The following VN1R2 variants were observed in gnomAD, a reference collection of about 807,000 sequenced individuals.
VN1R2 encodes the protein vomeronasal 1 receptor 2.
For synonymous variants in VN1R2, 160 were observed against 173.1 expected, an observed-to-expected ratio of 0.92 and a Z score of 0.59; for missense variants, 418 against 452.4, an observed-to-expected ratio of 0.92 and a Z score of 0.69.
At position 53,258,380 on chromosome 19, in the gene VN1R2, C is replaced by G. The variant is rs761713155; in HGVS notation, c.5C>G (p.Thr2Ser). 6 of 697,636 alleles carry G rather than the reference C, an allele frequency of 8.6e-6. No individual in the cohort carries two copies. The highest frequency in any genetic ancestry group is 1.6e-5 in the Non-Finnish European group (6 of 378,508). 43.2% of individuals were successfully genotyped at this position (697,636 alleles called of 1,614,324 possible). ...TGACCTTACCTATCATTGGAGATGA[C>G]TCACACTCTTTACCCTACCCCTTTT... is the stretch of plus-strand genomic sequence containing the variant. M[T>S]HTLYPTPFAL... Residue 2 changes from threonine (T) to serine (S), a missense_variant, in exon 1 of 1, where the codon ACT becomes AGT. Thr to Ser is a moderately conservative substitution (Grantham distance 58, BLOSUM62 1). Coordinates refer to ENST00000341702, the MANE Select transcript of VN1R2 (RefSeq NM_173856.2).
chr19:53,258,792 C>G lies in VN1R2; in HGVS notation c.417C>G (p.Ile139Met). The change falls in exon 1 of 1, where the codon ATC becomes ATG. Residue 139 changes from isoleucine (I) to methionine (M), a missense_variant. Ile to Met is a conservative substitution (Grantham distance 10). Transcript: ENST00000341702. Reference sequence around the variant, plus strand: ...TGACTGTAGCTGACTCCTTGGTTATCCTATCTAAAAGAATCCCAGAGACCA... The same window carrying G: ...TGACTGTAGCTGACTCCTTGGTTATGCTATCTAAAAGAATCCCAGAGACCA... ...RHLTVADSLV[I>M]LSKRIPETMA... The G allele has an allele frequency of 6.2e-7, 1 of 1,614,168 alleles. No homozygotes were observed. Among genetic ancestry groups the G allele is most frequent in the African/African-American group, 1.3e-5 (1 of 75,044 alleles).
Position 53,259,569 on chromosome 19 carries a change from C to T in VN1R2, c.*6C>T. The T allele has an allele frequency of 6.2e-7, 1 of 1,604,240 alleles. No homozygotes were observed. ...ATGATTTCAGGAAAATGTGAATTGG[C>T]TGTCTTGGTTTATGTTCGGCCACTG... On this transcript the variant is annotated 3_prime_UTR_variant, in exon 1 of 1. Transcript: ENST00000341702.
rs531041751 is a variant in VN1R2, at chr19:53,259,316, T to C, written c.941T>C (p.Ile314Thr). The change falls in exon 1 of 1, where the codon ATC becomes ACC. Residue 314 changes from isoleucine (I) to threonine (T), a missense_variant. Physicochemically the swap from Ile to Thr is moderately conservative, Grantham distance 89 (BLOSUM62 -1). Transcript: ENST00000341702. ...YPNSSPGNRA[I>T]QSILALVSTF... ...AACTCTTCTCCTGGGAACAGAGCCA[T>C]CCAAAGCATCCTTGCATTGGTGAGC... 2.5e-6 allele frequency: 4 copies of C among 1,614,190 alleles called. No homozygotes were observed. The South Asian group carries it at 4.4e-5, about 18-fold the overall frequency.
Position 53,259,535 on chromosome 19 carries a change from G to A in VN1R2, c.1160G>A (p.Arg387Gln), listed in dbSNP as rs199981144. 31 of 1,610,416 alleles carry A rather than the reference G, an allele frequency of 1.9e-5. No individual in the cohort carries two copies. The highest frequency in any genetic ancestry group is 2.5e-5 in the Non-Finnish European group (30 of 1,178,184). Reference protein sequence around the residue: ...LCSICCRRNRRFFHDFRKM With the variant: ...LCSICCRRNRQFFHDFRKM ...AGTATCTGCTGCAGAAGAAATAGAC[G>A]ATTCTTTCATGATTTCAGGAAAATG... is the stretch of plus-strand genomic sequence containing the variant. The change falls in exon 1 of 1, where the codon CGA becomes CAA. Residue 387 changes from arginine to glutamine, a missense_variant. Physicochemically the swap from Arg to Gln is conservative, Grantham distance 43 (BLOSUM62 1). Transcript: ENST00000341702.
Position 53,259,269 on chromosome 19 carries a change from C to T in VN1R2, c.894C>T (p.Ile298=), listed in dbSNP as rs143089101. Residue 298 remains isoleucine, a synonymous_variant, in exon 1 of 1, where the codon ATC becomes ATT. Transcript: ENST00000341702. ...LYRHKQQVQH[I]CRNNLYPNSS... ...GGCACAAACAGCAGGTACAACACAT[C>T]TGTAGGAACAATCTCTACCCCAACT... 6 of 1,614,194 alleles carry T rather than the reference C, an allele frequency of 3.7e-6. No homozygotes were observed. In the African/African-American group the frequency reaches 8.0e-5, roughly 22 times the overall value.
Position 53,259,017 on chromosome 19 carries a change from C to T in VN1R2, c.642C>T (p.Ile214=). The T allele has an allele frequency of 6.2e-7, 1 of 1,614,172 alleles. No homozygotes were observed. Among genetic ancestry groups the T allele is most frequent in the Non-Finnish European group, 8.5e-7 (1 of 1,180,042 alleles). The part of the protein sequence containing the change: ...KAPTYIGLSN[I]LCWAFHMLVN... The stretch of plus-strand genomic sequence containing the variant: ...CGACATACATTGGTCTCTCCAATAT[C>T]CTGTGCTGGGCCTTCCACATGCTGG... The change falls in exon 1 of 1, where the codon ATC becomes ATT. Residue 214 remains isoleucine, a synonymous_variant. Coordinates refer to ENST00000341702, the MANE Select transcript of VN1R2 (RefSeq NM_173856.2).
rs1001102139 is a variant in VN1R2, at chr19:53,258,397, A to G, written c.22A>G (p.Thr8Ala). 4 of 716,916 alleles carry G rather than the reference A, an allele frequency of 5.6e-6. No homozygotes were observed. Among genetic ancestry groups the G allele is most frequent in the African/African-American group, 1.8e-5 (1 of 56,894 alleles). The allele number at this position is 716,916 out of a possible 1,614,324, so 44.4% of individuals were successfully genotyped here. MTHTLYP[T>A]PFALYPINIS... ...GGAGATGACTCACACTCTTTACCCT[A>G]CCCCTTTTGCTTTGTATCCAATAAA... The change falls in exon 1 of 1, where the codon ACC becomes GCC. Residue 8 changes from threonine to alanine, a missense_variant. Physicochemically the swap from Thr to Ala is moderately conservative, Grantham distance 58. Coordinates refer to ENST00000341702, the MANE Select transcript of VN1R2 (RefSeq NM_173856.2).
In VN1R2 at chr19:53,258,367, T is replaced by C. The variant is rs1487946543; in HGVS notation, c.-9T>C. 4.4e-6 allele frequency: 3 copies of C among 679,840 alleles called. No homozygotes were observed. Among genetic ancestry groups the C allele is most frequent in the East Asian group, 5.4e-5 (2 of 37,014 alleles). 42.1% of individuals were successfully genotyped at this position (679,840 alleles called of 1,614,324 possible). On this transcript the variant is annotated 5_prime_UTR_variant, in exon 1 of 1. Coordinates refer to ENST00000341702, the MANE Select transcript of VN1R2 (RefSeq NM_173856.2). ...CACGTGACCCACGTGACCTTACCTA[T>C]CATTGGAGATGACTCACACTCTTTA...
Position 53,259,214 on chromosome 19 carries a change from C to G in VN1R2, c.839C>G (p.Ala280Gly). The change falls in exon 1 of 1, where the codon GCC (alanine) becomes GGC (glycine). Residue 280 changes from alanine to glycine, a missense_variant. By Grantham distance (60) the Ala-to-Gly change is moderately conservative. Coordinates refer to ENST00000341702, the MANE Select transcript of VN1R2 (RefSeq NM_173856.2). ...DVLCLGLMLW[A>G]SSSIVLVLYR... ...TTGTGTCTGGGGCTCATGCTCTGGG[C>G]CAGCAGCTCCATCGTTTTGGTCTTG... 1.9e-6 allele frequency: 3 copies of G among 1,614,132 alleles called. No individual in the cohort carries two copies. The highest frequency in any genetic ancestry group is 2.5e-6 in the Non-Finnish European group (3 of 1,180,014).
Position 53,258,558 on chromosome 19 carries a change from T to G in VN1R2, c.183T>G (p.Ser61=). Residue 61 remains serine, a synonymous_variant, in exon 1 of 1, where the codon TCT becomes TCG. Coordinates refer to ENST00000341702, the MANE Select transcript of VN1R2 (RefSeq NM_173856.2). ...TAGTGGTCCCCCAGACACAGCTGTC[T>G]TTTCTTTCATCTCTTTGTCTTGTGT... The part of the protein sequence containing the change: ...LVVVVPQTQL[S]FLSSLCLVSL... The G allele has an allele frequency of 1.3e-6, 2 of 1,551,406 alleles. 1 individual carries two copies. Among genetic ancestry groups the G allele is most frequent in the African/African-American group, 2.7e-5 (2 of 72,868 alleles).
chr19:53,259,511 G>A lies in VN1R2; in HGVS notation c.1136G>A (p.Ser379Asn). 6.2e-7 allele frequency: 1 copy of A among 1,613,874 alleles called. No homozygotes were observed. Among genetic ancestry groups the A allele is most frequent in the South Asian group, 1.1e-5 (1 of 90,978 alleles). The change falls in exon 1 of 1, where the codon AGT (serine) becomes AAT (asparagine). Residue 379 changes from serine (S) to asparagine (N), a missense_variant. Ser to Asn is a conservative substitution (Grantham distance 46). Coordinates refer to ENST00000341702, the MANE Select transcript of VN1R2 (RefSeq NM_173856.2). ...CRDPSRSRLC[S>N]ICCRRNRRFF... ...GACCCCAGCAGATCCAGGCTCTGCA[G>A]TATCTGCTGCAGAAGAAATAGACGA... is the stretch of plus-strand genomic sequence containing the variant.
chr19:53,258,489 C>A (rs1318134666), upstream of VN1R2: 4 of 1,129,642 alleles, frequency 3.5e-6, no homozygotes, highest in Admixed American at 2.0e-5. Context: ...AATATCAGTG[C>A]AGCCTGGCAT....
chr19:53,259,581 A>G lies in VN1R2; in HGVS notation c.*18A>G. 1 of 1,594,382 alleles carries G rather than the reference A, an allele frequency of 6.3e-7. No homozygotes were observed. The highest frequency in any genetic ancestry group is 8.5e-7 in the Non-Finnish European group (1 of 1,169,982). On this transcript the variant is annotated 3_prime_UTR_variant, in exon 1 of 1. Coordinates refer to ENST00000341702, the MANE Select transcript of VN1R2 (RefSeq NM_173856.2). Reference sequence around the variant, plus strand: ...AAATGTGAATTGGCTGTCTTGGTTTATGTTCGGCCACTGATGCACTCAGAC... The same window carrying G: ...AAATGTGAATTGGCTGTCTTGGTTTGTGTTCGGCCACTGATGCACTCAGAC...
In VN1R2 at chr19:53,258,708, T is replaced by C. The variant is rs760186272; in HGVS notation, c.333T>C (p.Tyr111=). The change falls in exon 1 of 1, where the codon TAT becomes TAC. Residue 111 remains tyrosine, a synonymous_variant. Coordinates refer to ENST00000341702, the MANE Select transcript of VN1R2 (RefSeq NM_173856.2). The part of the protein sequence containing the change: ...ILGNFSLLYY[Y]MFLYFRGYKP... The stretch of plus-strand genomic sequence containing the variant: ...GGAATTTTTCACTCTTATATTATTA[T>C]ATGTTCCTTTACTTTAGGGGATACA... 1.2e-5 allele frequency: 20 copies of C among 1,614,014 alleles called. No individual in the cohort carries two copies. Among genetic ancestry groups the C allele is most frequent in the Admixed American group, 1.7e-5 (1 of 59,988 alleles).
In VN1R2 at chr19:53,259,445, C is replaced by T. The variant is rs752034615; in HGVS notation, c.1070C>T (p.Ala357Val). 1.2e-6 allele frequency: 2 copies of T among 1,614,206 alleles called. No individual in the cohort carries two copies. Among genetic ancestry groups the T allele is most frequent in the East Asian group, 2.2e-5 (1 of 44,882 alleles). Residue 357 changes from alanine (A) to valine (V), a missense_variant, in exon 1 of 1, where the codon GCC becomes GTC. Physicochemically the swap from Ala to Val is moderately conservative, Grantham distance 64. Transcript: ENST00000341702. Reference sequence around the variant, plus strand: ...GTGAACACTGCTGCACTAATCATTGCCTGTTTTCCAACTATTAGCCCTTTT... The same window carrying T: ...GTGAACACTGCTGCACTAATCATTGTCTGTTTTCCAACTATTAGCCCTTTT... ...WLVNTAALII[A>V]CFPTISPFVL...
rs757698195 is a variant in VN1R2, at chr19:53,258,464, G to T, written c.89G>T (p.Cys30Phe). 54 of 956,006 alleles carry T rather than the reference G, an allele frequency of 5.6e-5. 1 individual carries two copies. The South Asian group carries it at 7.4e-4, about 13-fold the overall frequency. 59.2% of individuals were successfully genotyped at this position (956,006 alleles called of 1,614,324 possible). A position where few individuals can be genotyped will look rare whatever the true frequency, so the allele number is the denominator to read the frequency against. Residue 30 changes from cysteine to phenylalanine, a missense_variant, in exon 1 of 1, where the codon TGC becomes TTC. Transcript: ENST00000341702. ...CATTTGGGGCCACTACCAGTCTCCT[G>T]CTTTGTATCCAATAAATATCAGTGC... Reference protein sequence around the residue: ...AWHLGPLPVSCFVSNKYQCSL... With the variant: ...AWHLGPLPVSFFVSNKYQCSL...
rs764496794 is a variant in VN1R2 at position 53,259,442 on chromosome 19, T to C, written c.1067T>C (p.Ile356Thr). The part of the protein sequence containing the change: ...WWLVNTAALI[I>T]ACFPTISPFV... ...CTAGTGAACACTGCTGCACTAATCA[T>C]TGCCTGTTTTCCAACTATTAGCCCT... The change falls in exon 1 of 1, where the codon ATT becomes ACT. Residue 356 changes from isoleucine to threonine, a missense_variant. Physicochemically the swap from Ile to Thr is moderately conservative, Grantham distance 89. Coordinates refer to ENST00000341702, the MANE Select transcript of VN1R2 (RefSeq NM_173856.2). The C allele has an allele frequency of 1.2e-6, 2 of 1,614,224 alleles. No homozygotes were observed. Among genetic ancestry groups the C allele is most frequent in the East Asian group, 2.2e-5 (1 of 44,880 alleles).
chr19:53,258,580 G>A lies in VN1R2; in HGVS notation c.205G>A (p.Val69Met). 6.4e-7 allele frequency: 1 copy of A among 1,561,482 alleles called. No individual in the cohort carries two copies. Among genetic ancestry groups the A allele is most frequent in the Admixed American group, 1.9e-5 (1 of 51,760 alleles). Residue 69 changes from valine to methionine, a missense_variant, in exon 1 of 1, where the codon GTG (valine) becomes ATG (methionine). By Grantham distance (21) the Val-to-Met change is conservative. Coordinates refer to ENST00000341702, the MANE Select transcript of VN1R2 (RefSeq NM_173856.2). Reference sequence around the variant, plus strand: ...GTCTTTTCTTTCATCTCTTTGTCTTGTGTCTTTATTTCTACACTCTCTTGT... The same window carrying A: ...GTCTTTTCTTTCATCTCTTTGTCTTATGTCTTTATTTCTACACTCTCTTGT... Reference protein sequence around the residue: ...QLSFLSSLCLVSLFLHSLVSA... With the variant: ...QLSFLSSLCLMSLFLHSLVSA...
In VN1R2 at chr19:53,259,038, G is replaced by A; in HGVS notation, c.663G>A (p.Met221Ile). Residue 221 changes from methionine (M) to isoleucine (I), a missense_variant, in exon 1 of 1, where the codon ATG becomes ATA. By Grantham distance (10) the Met-to-Ile change is conservative (BLOSUM62 1). Coordinates refer to ENST00000341702, the MANE Select transcript of VN1R2 (RefSeq NM_173856.2). ...LSNILCWAFH[M>I]LVNAIFPIYT... The stretch of plus-strand genomic sequence containing the variant: ...ATATCCTGTGCTGGGCCTTCCACAT[G>A]CTGGTAAATGCCATTTTTCCTATTT... 2 of 1,614,162 alleles carry A rather than the reference G, an allele frequency of 1.2e-6. No individual in the cohort carries two copies. Among genetic ancestry groups the A allele is most frequent in the South Asian group, 2.2e-5 (2 of 91,082 alleles).
Sources: allele counts gnomAD v4.1 joint callset, GRCh38; gene constraint gnomAD v4.1.1; transcripts MANE v1.5; gene names NCBI Gene and HGNC (gene_info 2026-07-23, HGNC 2026-07-21).